Variants in FBXL2 observed in about 807,000 individuals in gnomAD.
FBXL2 encodes F-box and leucine rich repeat protein 2.
Under a neutral mutation model 69.2 loss-of-function variants are expected in FBXL2, and 38 were observed. That is an observed-to-expected ratio of 0.55 (90% confidence interval 0.42 to 0.72). The LOEUF (loss-of-function observed/expected upper bound fraction) is 0.72. FBXL2 is among the 30% of genes least tolerant of loss of function. The pLI is 0.00. For missense variants in FBXL2, 354 were observed against 520.3 expected, an observed-to-expected ratio of 0.68 and a Z score of 3.11; for synonymous variants, 192 against 201.3, an observed-to-expected ratio of 0.95 and a Z score of 0.39.
downstream of FBXL2, among the ~76,000 whole-genome samples, chr3:33,404,411 C>CA (rs554152271): frequency 2.3e-4 from 34 of 149,026 alleles, 1 homozygote; most frequent in Admixed American, 2.1e-3. Context: ...GATTCCATCT[C>CA]AAAAAAAATG....
At chr3:33,317,110 C>G (rs1261638527) in intron 2 of FBXL2, among the ~76,000 whole-genome samples, 1 of 152,022 alleles carries the variant, frequency 6.6e-6, no homozygotes, top group Non-Finnish European at 1.5e-5. Flanking sequence ...GTTGCCCAGG[C>G]CAGTCTTGAA....
At chr3:33,390,001 C>A (rs921993445), downstream of FBXL2, 5 of 274,706 alleles carry the variant, frequency 1.8e-5, no homozygotes, top group Middle Eastern at 1.1e-3. Flanking sequence ...ATTTCCAAAC[C>A]GCATACAGTG....
At chr3:33,408,621 A>G, downstream of FBXL2, 3 of 1,290,240 alleles carry the variant, frequency 2.3e-6, no homozygotes, top group Non-Finnish European at 3.2e-6. Flanking sequence ...TTTGCGGTGG[A>G]AGTTGGTCCT....
At chr3:33,364,754 C>T in intron 5 of FBXL2, 35 bp downstream of exon 5, 2 of 1,537,924 alleles carry the variant, frequency 1.3e-6, no homozygotes, top group Middle Eastern at 1.7e-4. Context: ...GTCATGGCAG[C>T]TTGTAGCATT....
At chr3:33,298,902 A>G (rs978189740) in intron 2 of FBXL2, among the ~76,000 whole-genome samples, 1 of 152,018 alleles carries the variant, frequency 6.6e-6, no homozygotes, top group African/African-American at 2.4e-5. Context: ...CTGTAGTCCT[A>G]TAGGGTTAAC....
chr3:33,373,786 T>C (rs1314586328), intron 8 of FBXL2, 61 bp from the exon 9 acceptor site: 52 of 1,613,630 alleles, frequency 3.2e-5, no homozygotes, highest in Non-Finnish European at 4.3e-5. Flanking sequence ...GCATTTTTCT[T>C]GGTGTCCCAC....
chr3:33,381,894 A>G (rs987473394), intron 13 of FBXL2, among the ~76,000 whole-genome samples: 1 of 152,240 alleles, frequency 6.6e-6, no homozygotes, highest in African/African-American at 2.4e-5. Flanking sequence ...AATATATTCC[A>G]CATTGTTAAG....
At chr3:33,411,354 T>C in the FBXL2 span, among the ~76,000 whole-genome samples, 1 of 152,172 alleles carries the variant, frequency 6.6e-6, no homozygotes, top group South Asian at 2.1e-4. Context: ...CTACTAGTGG[T>C]AAAAATAACA....
intron 5 of FBXL2, among the ~76,000 whole-genome samples, chr3:33,369,243 G>T (rs974580574): frequency 4.6e-5 from 7 of 151,782 alleles, no homozygotes; most frequent in African/African-American, 1.7e-4. Flanking sequence ...GTAGAGACAG[G>T]TTTTCACCAT....
chr3:33,382,287 G>C (rs1389079261), intron 13 of FBXL2, among the ~76,000 whole-genome samples: 1 of 152,142 alleles, frequency 6.6e-6, no homozygotes, highest in Non-Finnish European at 1.5e-5. Context: ...ATGTAGAAAA[G>C]CACATTTATC....
intron 9 of FBXL2, among the ~76,000 whole-genome samples, chr3:33,374,336 T>C (rs752387182): frequency 4.3e-4 from 65 of 152,198 alleles, no homozygotes; most frequent in Non-Finnish European, 1.3e-4. Context: ...AAAAATGCTT[T>C]AAAGAATAAA....
the FBXL2 span, among the ~76,000 whole-genome samples, chr3:33,418,364 C>T: frequency 2.0e-5 from 3 of 152,024 alleles, no homozygotes; most frequent in Non-Finnish European, 4.4e-5. Flanking sequence ...AGCAATTCTC[C>T]CTGCCTTGGA....
intron 2 of FBXL2, among the ~76,000 whole-genome samples, chr3:33,304,497 T>A (rs1338277566): frequency 6.6e-6 from 1 of 152,114 alleles, no homozygotes; most frequent in Non-Finnish European, 1.5e-5. Flanking sequence ...CTCATTCATT[T>A]TTACTGCTGT....
Position 33,364,633 on chromosome 3 carries a change from G to A in FBXL2, c.204G>A (p.Val68=). 1 of 1,614,064 alleles carries A rather than the reference G, an allele frequency of 6.2e-7. No individual in the cohort carries two copies. Among genetic ancestry groups the A allele is most frequent in the Non-Finnish European group, 8.5e-7 (1 of 1,179,910 alleles). Residue 68 remains valine (V), a synonymous_variant, in exon 5 of 15, where the codon GTG becomes GTA. Transcript: ENST00000484457. ...AACTTTCTTGATTAAAGGGTCGAGT[G>A]GTGGAAAATATCTCGAAGCGATGCG... ...FNFQTDVEGR[V]VENISKRCGG... is the part of the protein sequence containing the mutation.
At chr3:33,317,565 G>A in intron 2 of FBXL2, 2 of 455,546 alleles carry the variant, frequency 4.4e-6, no homozygotes, top group Admixed American at 2.4e-5. Flanking sequence ...GCAATGATGA[G>A]ATTCTGCTAA....
intron 1 of FBXL2, among the ~76,000 whole-genome samples, chr3:33,278,694 A>G (rs1252201647): frequency 1.3e-5 from 2 of 152,214 alleles, no homozygotes; most frequent in Admixed American, 6.5e-5. Flanking sequence ...GGCAGGAGAA[A>G]AACATCACCC....
chr3:33,341,001 G>A (rs2039979002), intron 2 of FBXL2, among the ~76,000 whole-genome samples: 1 of 151,834 alleles, frequency 6.6e-6, no homozygotes, highest in Admixed American at 6.6e-5. Flanking sequence ...TTTCTTTAGT[G>A]AGGAACTCCA....
At chr3:33,404,039 T>G (rs1035178186), downstream of FBXL2, among the ~76,000 whole-genome samples, 1 of 151,982 alleles carries the variant, frequency 6.6e-6, no homozygotes, top group African/African-American at 2.4e-5. Context: ...TAGCCCAGGA[T>G]AGCTTGAGCC....
intron 2 of FBXL2, among the ~76,000 whole-genome samples, chr3:33,305,949 GTT>G (rs2036676164): frequency 6.6e-6 from 1 of 151,866 alleles, no homozygotes; most frequent in East Asian, 1.9e-4. Flanking sequence ...CTCACTAGAA[GTT>G]TACCTATTTC....
Sources: allele counts gnomAD v4.1 joint callset (sites outside exome capture counted in the v4.1 genomes callset), GRCh38; gene constraint gnomAD v4.1.1; transcripts MANE v1.5; gene names NCBI Gene and HGNC (gene_info 2026-07-23, HGNC 2026-07-21).